Variants in SLC26A1 observed in about 807,000 individuals in gnomAD.
SLC26A1 encodes the protein solute carrier family 26 member 1.
Under a neutral mutation model 14.5 loss-of-function variants are expected in SLC26A1, and 18 were observed. That is an observed-to-expected ratio of 1.24 (90% CI 0.86 to 1.84). The LOEUF is 1.84. SLC26A1 is among the 40% of genes most tolerant of loss of function. The pLI, the probability that SLC26A1 is intolerant of heterozygous loss-of-function variation, is 0.00. For synonymous variants in SLC26A1, 505 were observed against 492.0 expected, an observed-to-expected ratio of 1.03 and a Z score of -0.35; for missense variants, 1,049 against 1,020.0, an observed-to-expected ratio of 1.03 and a Z score of -0.39.
At chr4:984,213 G>A (rs1038260702), downstream of SLC26A1, among the ~76,000 whole-genome samples, 2 of 152,166 alleles carry the variant, frequency 1.3e-5, no homozygotes, top group Non-Finnish European at 1.5e-5. Context: ...AAGTTCAAGT[G>A]TATCATTCAA....
Position 979,474 on chromosome 4 carries a change from G to A in SLC26A1, c.607C>T (p.His203Tyr), listed in dbSNP as rs769978227. Residue 203 changes from histidine to tyrosine, a missense_variant, in exon 3 of 3, where the codon CAC (histidine) becomes TAC (tyrosine). Transcript: ENST00000398520. ...CTCCTCTGTGTTAATTGCCATGGGT[G>A]TTGCTGGAAGCTGTTTCTACCCCAG... 1.5e-5 allele frequency: 25 copies of A among 1,613,792 alleles called. No homozygotes were observed. The East Asian group carries it at 2.0e-4, about 13-fold the overall frequency.
intron 2 of SLC26A1, 84 bp from the exon 3 acceptor site, chr4:990,446 G>A: frequency 7.6e-7 from 1 of 1,322,320 alleles, no homozygotes; most frequent in Non-Finnish European, 1.0e-6. Context: ...CCCGAGGGGT[G>A]GTGGTCACGG....
Position 991,188 on chromosome 4 carries a change from C to G in SLC26A1, c.516G>C (p.Gly172=). The G allele has an allele frequency of 6.3e-7, 1 of 1,591,704 alleles. No individual in the cohort carries two copies. The highest frequency in any genetic ancestry group is 1.7e-5 in the Admixed American group (1 of 58,942). ...LNGSAAMLDC[G]RDCYAIRVAT... ...CGACACGGATGGCGTAGCAGTCACG[C>G]CCGCAGTCCAGCATGGCAGCCGAGC... Residue 172 remains glycine (G), a synonymous_variant, in exon 2 of 3, where the codon GGG becomes GGC. Transcript: ENST00000398516.
At chr4:987,258 C>G (rs755914562), downstream of SLC26A1, 3 of 1,513,706 alleles carry the variant, frequency 2.0e-6, no homozygotes, top group Non-Finnish European at 2.6e-6. Context: ...CGCTCCGCGG[C>G]CTCCGGGACC....
At chr4:979,649 GA>G in intron 2 of SLC26A1, 1 of 1,023,984 alleles carries the variant, frequency 9.8e-7, no homozygotes, top group South Asian at 1.6e-5. Context: ...GGCGGGGTGG[GA>G]GCCCTTGTGG....
At position 988,645 on chromosome 4, in the gene SLC26A1, T is replaced by G; in HGVS notation, c.*188A>C. 1 of 1,394,040 alleles carries G rather than the reference T, an allele frequency of 7.2e-7. No individual in the cohort carries two copies. The highest frequency in any genetic ancestry group is 1.7e-5 in the South Asian group (1 of 59,246). The allele number at this position is 1,394,040 out of a possible 1,614,324, so 86.4% of individuals were successfully genotyped here. A position where few individuals can be genotyped will look rare whatever the true frequency, so the allele number is the denominator to read the frequency against. ...GCAGAGGTTCTTGATTTCTGAGTGT[T>G]TGGGTCCTGCGTGTGATCAGAGGGC... On this transcript the variant is annotated 3_prime_UTR_variant, in exon 3 of 3. Coordinates refer to ENST00000398516, the MANE Select transcript of SLC26A1 (RefSeq NM_022042.4).
At chr4:979,715 G>A (rs1471513395) in intron 2 of SLC26A1, among the ~76,000 whole-genome samples, 1 of 152,196 alleles carries the variant, frequency 6.6e-6, no homozygotes, top group Admixed American at 6.5e-5. Context: ...CTTGGAAGGG[G>A]ATCTACCAGC....
rs184671154 is a variant in SLC26A1 at position 990,585 on chromosome 4, G to A, written c.577-223C>T. The stretch of plus-strand genomic sequence containing the variant: ...TGTGACATCCACGTGAGCATCACAC[G>A]TGCACACAGCTGGCCATAGACACGT... On this transcript the variant is annotated intron_variant, in intron 2 of 2. Transcript: ENST00000398516. The A allele has an allele frequency of 0.011, 6,400 of 588,676 alleles. 53 individuals carry two copies. The highest frequency in any genetic ancestry group is 0.014 in the Non-Finnish European group (4,522 of 330,648). 36.5% of individuals were successfully genotyped at this position (588,676 alleles called of 1,614,324 possible).
rs757123282 is a variant in SLC26A1, at chr4:988,902, A to G, written c.2037T>C (p.Ser679=). 4.5e-5 allele frequency: 73 copies of G among 1,604,662 alleles called. No individual in the cohort carries two copies. Among genetic ancestry groups the G allele is most frequent in the Non-Finnish European group, 5.8e-5 (68 of 1,176,606 alleles). Residue 679 remains serine, a synonymous_variant, in exon 3 of 3, where the codon AGT becomes AGC. Transcript: ENST00000398516. ...GTGCTGTCTGCACGGCATCGTGCAC[A>G]CTGAGGAACAGCTGCTCCTCCTCAG... ...DTAEEEQLFL[S]VHDAVQTARA...
At chr4:991,022 C>G in intron 2 of SLC26A1, 106 bp downstream of exon 2, 2 of 1,191,412 alleles carry the variant, frequency 1.7e-6, no homozygotes, top group Non-Finnish European at 2.3e-6. Context: ...GGGCCAGCAC[C>G]TCCTCTGCCA....
chr4:987,969 T>C lies in SLC26A1; in HGVS notation c.*864A>G. 1.3e-6 allele frequency: 2 copies of C among 1,553,964 alleles called. No homozygotes were observed. Among genetic ancestry groups the C allele is most frequent in the Non-Finnish European group, 1.7e-6 (2 of 1,148,544 alleles). On this transcript the variant is annotated 3_prime_UTR_variant, in exon 3 of 3. Transcript: ENST00000398516. Reference sequence around the variant, plus strand: ...CACCAGGTGGGCGGCGGGCAGGGTCTGGGCGTCCCAGAGCCCCTTACAGAG... The same window carrying C: ...CACCAGGTGGGCGGCGGGCAGGGTCCGGGCGTCCCAGAGCCCCTTACAGAG...
chr4:979,263 T>C (rs1713464612), exon 3 of SLC26A1: 1 of 614,496 alleles, frequency 1.6e-6, no homozygotes, highest in Non-Finnish European at 2.9e-6. Context: ...CTCTGCAGGC[T>C]GGCCAGGTTG....
rs757616173 is a variant in SLC26A1 at position 991,693 on chromosome 4, G to C, written c.11C>G (p.Ser4Cys). Residue 4 changes from serine (S) to cysteine (C), a missense_variant, in exon 2 of 3, where the codon TCC (serine) becomes TGC (cysteine). Physicochemically the swap from Ser to Cys is moderately radical, Grantham distance 112 (BLOSUM62 -1). Transcript: ENST00000398516. MDE[S>C]PEPLQQGRGP... ...TCTGCCCTGCTGCAGAGGCTCAGGG[G>C]ACTCGTCCATCCTGTTGCGTCAGGT... 2 of 1,534,068 alleles carry C rather than the reference G, an allele frequency of 1.3e-6. No individual in the cohort carries two copies. The highest frequency in any genetic ancestry group is 1.2e-5 in the South Asian group (1 of 80,720).
exon 3 of SLC26A1, chr4:979,262 C>T (rs2153013517): frequency 6.5e-6 from 4 of 612,506 alleles, no homozygotes; most frequent in South Asian, 5.9e-5. Flanking sequence ...CCTCTGCAGG[C>T]TGGCCAGGTT....
downstream of SLC26A1, chr4:987,132 G>A: frequency 1.4e-6 from 2 of 1,412,374 alleles, no homozygotes; most frequent in South Asian, 3.0e-5. Context: ...TCCTGGCCTC[G>A]CTCCTGGCCG....
chr4:990,243 C>T lies in SLC26A1; in HGVS notation c.696G>A (p.Leu232=), dbSNP rs1276893520. 1.3e-6 allele frequency: 2 copies of T among 1,584,042 alleles called. No individual in the cohort carries two copies. The highest frequency in any genetic ancestry group is 1.7e-6 in the Non-Finnish European group (2 of 1,166,800). The change falls in exon 3 of 3, where the codon CTG becomes CTA. Residue 232 remains leucine (L), a synonymous_variant. Coordinates refer to ENST00000398516, the MANE Select transcript of SLC26A1 (RefSeq NM_022042.4). ...TILTSQLKHL[L]GVRIPRHQGP... ...CCTGGTGCCGCGGGATCCGCACGCCCAGCAGGTGTTTGAGCTGCGAGGTCA... is the reference window on the plus strand; with the variant it reads ...CCTGGTGCCGCGGGATCCGCACGCCTAGCAGGTGTTTGAGCTGCGAGGTCA...
rs2153016099 is a variant in SLC26A1 at position 988,744 on chromosome 4, C to A, written c.*89G>T. 7.0e-7 allele frequency: 1 copy of A among 1,433,970 alleles called. No homozygotes were observed. The highest frequency in any genetic ancestry group is 2.5e-5 in the East Asian group (1 of 39,254). The allele number at this position is 1,433,970 out of a possible 1,614,324, so 88.8% of individuals were successfully genotyped here. On this transcript the variant is annotated 3_prime_UTR_variant, in exon 3 of 3. Transcript: ENST00000398516. ...CAAGAGTGCAGCTCTTGGGTGGCTC[C>A]TCCCTGGGAAGGGTCTCAGCAGTGG...
chr4:988,890 G>T lies in SLC26A1; in HGVS notation c.2049C>A (p.Ala683=). Residue 683 remains alanine (A), a synonymous_variant, in exon 3 of 3, where the codon GCC becomes GCA. Transcript: ENST00000398516. ...TGTGGCGGGCTCGTGCTGTCTGCAC[G>T]GCATCGTGCACACTGAGGAACAGCT... ...EEQLFLSVHD[A]VQTARARHRE... 6.2e-7 allele frequency: 1 copy of T among 1,602,996 alleles called. No individual in the cohort carries two copies. The highest frequency in any genetic ancestry group is 8.5e-7 in the Non-Finnish European group (1 of 1,175,724).
At position 989,065 on chromosome 4, in the gene SLC26A1, G is replaced by A. The variant is rs1198278863; in HGVS notation, c.1874C>T (p.Ala625Val). 2 of 1,588,518 alleles carry A rather than the reference G, an allele frequency of 1.3e-6. No individual in the cohort carries two copies. The highest frequency in any genetic ancestry group is 2.3e-5 in the East Asian group (1 of 43,134). ...CAGGTCCTGCAGCGTGCTCACACCG[G>A]CTGCGTCTAGGAACAGCAGCGGGGC... ...DCAPLLFLDAAGVSTLQDLRR... is the reference protein window; with the variant it reads ...DCAPLLFLDAVGVSTLQDLRR... Residue 625 changes from alanine to valine, a missense_variant, in exon 3 of 3, where the codon GCC becomes GTC. Ala to Val is a moderately conservative substitution (Grantham distance 64, BLOSUM62 0). Coordinates refer to ENST00000398516, the MANE Select transcript of SLC26A1 (RefSeq NM_022042.4).
Sources: allele counts gnomAD v4.1 joint callset (sites outside exome capture counted in the v4.1 genomes callset), GRCh38; gene constraint gnomAD v4.1.1; transcripts MANE v1.5; gene names NCBI Gene and HGNC (gene_info 2026-07-23, HGNC 2026-07-21).